The following MFSD11 variants were observed in gnomAD, a reference collection of about 807,000 sequenced individuals.
The protein encoded by MFSD11 is major facilitator superfamily domain containing 11, also known as UNC93-like protein MFSD11.
MFSD11 carries 36 observed loss-of-function variants against 53.5 expected under a neutral mutation model. That is an observed-to-expected ratio of 0.67 (90% CI 0.52 to 0.89). The LOEUF (loss-of-function observed/expected upper bound fraction) is 0.89, where lower values mean the gene tolerates loss of function less well. Ranked by LOEUF, MFSD11 falls within the 40% of genes least tolerant of loss-of-function variation. The pLI is 0.00. For synonymous variants in MFSD11, 186 were observed against 184.9 expected (o/e 1.01, Z -0.05); for missense variants, 530 against 543.9 (o/e 0.97, Z 0.25).
intron 8 of MFSD11, among the ~76,000 whole-genome samples, chr17:76,762,591 G>T (rs1356367237): frequency 6.7e-6 from 1 of 148,364 alleles, no homozygotes; most frequent in Non-Finnish European, 1.5e-5. Context: ...AGGAGGTGGA[G>T]CTTGCAGTGA....
intron 8 of MFSD11, among the ~76,000 whole-genome samples, chr17:76,761,557 A>G (rs952544601): frequency 3.3e-5 from 5 of 152,210 alleles, no homozygotes; most frequent in Non-Finnish European, 7.3e-5. Flanking sequence ...TTGTTTTTGT[A>G]AAAAATACAT....
intron 8 of MFSD11, chr17:76,766,957 C>T (rs2080902593): frequency 6.4e-6 from 1 of 157,322 alleles, no homozygotes; most frequent in Admixed American, 6.5e-5. Flanking sequence ...TCTGTATGGC[C>T]AAAAAGCTGC....
chr17:76,777,453 A>T (rs1391868433), intron 12 of MFSD11, among the ~76,000 whole-genome samples: 1 of 152,108 alleles, frequency 6.6e-6, no homozygotes, highest in Non-Finnish European at 1.5e-5. Context: ...CAGGCTGGTC[A>T]CAAACTACTG....
At chr17:76,793,694 A>T in the MFSD11 span, among the ~76,000 whole-genome samples, 1 of 151,590 alleles carries the variant, frequency 6.6e-6, no homozygotes, top group African/African-American at 2.4e-5. Context: ...TTCACAATTT[A>T]TGTTCAGAGA....
At chr17:76,766,334 G>T (rs1455107676) in intron 8 of MFSD11, among the ~76,000 whole-genome samples, 1 of 149,598 alleles carries the variant, frequency 6.7e-6, no homozygotes, top group Non-Finnish European at 1.5e-5. Flanking sequence ...CAGGAGAATC[G>T]CTTGAACCCT....
chr17:76,760,863 A>T (rs915326214), intron 8 of MFSD11, among the ~76,000 whole-genome samples: 1 of 152,084 alleles, frequency 6.6e-6, no homozygotes, highest in African/African-American at 2.4e-5. Flanking sequence ...AAAAGATAAA[A>T]CATAATTCTC....
intron 9 of MFSD11, among the ~76,000 whole-genome samples, chr17:76,768,810 C>T (rs895440576): frequency 4.6e-5 from 7 of 151,870 alleles, no homozygotes; most frequent in African/African-American, 7.3e-5. Context: ...AATGGTGAAA[C>T]CCCGTCTCTA....
At chr17:76,801,149 C>G in the MFSD11 span, among the ~76,000 whole-genome samples, 3,665 of 151,514 alleles carry the variant, frequency 0.024, 146 homozygotes, top group African/African-American at 0.083. Flanking sequence ...CCCAGCACTT[C>G]GGGCGGCTGA....
intron 2 of MFSD11, among the ~76,000 whole-genome samples, chr17:76,740,615 A>C (rs949755188): frequency 6.6e-6 from 1 of 152,106 alleles, no homozygotes; most frequent in Non-Finnish European, 1.5e-5. Context: ...TTTCTTTCAC[A>C]TGAGGATAAT....
At chr17:76,792,781 C>T in the MFSD11 span, among the ~76,000 whole-genome samples, 1 of 151,434 alleles carries the variant, frequency 6.6e-6, no homozygotes, top group Non-Finnish European at 1.5e-5. Flanking sequence ...GGAAGATTAT[C>T]AGGGAACCTG....
chr17:76,781,011 T>C (rs1598813661), downstream of MFSD11: 1 of 152,348 alleles, frequency 6.6e-6, no homozygotes, highest in Admixed American at 6.5e-5. Flanking sequence ...ACGTAGCCAC[T>C]TAAAATAACA....
At chr17:76,746,886 C>T (rs747632441) in intron 7 of MFSD11, among the ~76,000 whole-genome samples, 13 of 152,034 alleles carry the variant, frequency 8.6e-5, no homozygotes, top group Non-Finnish European at 1.8e-4. Context: ...ATGTGTTCTG[C>T]AGCCCCTGGA....
chr17:76,785,538 C>T (rs2082264093), downstream of MFSD11, among the ~76,000 whole-genome samples: 1 of 151,664 alleles, frequency 6.6e-6, no homozygotes. Flanking sequence ...CAGGGTTTCA[C>T]CATGCTGCCA....
intron 9 of MFSD11, chr17:76,769,368 C>T (rs76015061): frequency 0.024 from 3,980 of 163,914 alleles, 174 homozygotes; most frequent in African/African-American, 0.09. Context: ...TTGCTGTGTC[C>T]TCCCATGGCA....
At chr17:76,772,408 CA>C (rs1321948657) in intron 10 of MFSD11, among the ~76,000 whole-genome samples, 1 of 150,450 alleles carries the variant, frequency 6.6e-6, no homozygotes, top group Non-Finnish European at 1.5e-5. Flanking sequence ...TCAAAAAAAC[CA>C]AAAAACCAAA....
chr17:76,740,738 A>C (rs1301413383), intron 2 of MFSD11, among the ~76,000 whole-genome samples: 1 of 152,216 alleles, frequency 6.6e-6, no homozygotes, highest in African/African-American at 2.4e-5. Flanking sequence ...TATTGTAGGC[A>C]GACTGATCCC....
At chr17:76,761,932 A>G (rs1255160848) in intron 8 of MFSD11, among the ~76,000 whole-genome samples, 2 of 152,096 alleles carry the variant, frequency 1.3e-5, no homozygotes, top group Non-Finnish European at 2.9e-5. Context: ...AAAAAAAAAA[A>G]AAAATTCATA....
intron 10 of MFSD11, among the ~76,000 whole-genome samples, chr17:76,774,354 G>T (rs983354492): frequency 2.0e-5 from 3 of 152,200 alleles, no homozygotes; most frequent in Admixed American, 6.5e-5. Flanking sequence ...CTCCCAAAGT[G>T]CTGGGATTAC....
At chr17:76,795,887 G>A in the MFSD11 span, among the ~76,000 whole-genome samples, 1 of 148,308 alleles carries the variant, frequency 6.7e-6, no homozygotes, top group African/African-American at 2.5e-5. Flanking sequence ...GGATGGTCTC[G>A]ATCTCCTGAC....
Sources: allele counts gnomAD v4.1 joint callset (sites outside exome capture counted in the v4.1 genomes callset), GRCh38; gene constraint gnomAD v4.1.1; transcripts MANE v1.5; gene names NCBI Gene and HGNC (gene_info 2026-07-23, HGNC 2026-07-21).